Variants in GLDN observed in about 807,000 individuals in gnomAD.
GLDN encodes collomin.
A neutral mutation model predicts 56.5 loss-of-function variants in GLDN; 47 were observed. The ratio of observed to expected loss-of-function variants is 0.83; its 90% CI spans 0.66 to 1.06. GLDN has a LOEUF of 1.06. Among genes scored for constraint, GLDN ranks in the 50% least tolerant of loss-of-function variants. The probability of loss-of-function intolerance (pLI) is 0.00; values close to 1 mark genes in which losing one functional copy is unlikely to be tolerated. For synonymous variants in GLDN, 332 were observed against 278.8 expected (o/e 1.19, Z -1.90); for missense variants, 782 against 714.3 (o/e 1.09, Z -1.08).
intron 4 of GLDN, among the ~76,000 whole-genome samples, chr15:51,394,507 G>C (rs1041141527): frequency 2.0e-5 from 3 of 152,136 alleles, no homozygotes; most frequent in Non-Finnish European, 4.4e-5. Flanking sequence ...CAGCTACTCC[G>C]GAGGCTGAGG....
chr15:51,404,468 T>A lies in GLDN; in HGVS notation c.1370T>A (p.Phe457Tyr), dbSNP rs2038328189. ...ILVAQLDERTFSVVQHVNTTY... is the reference protein window; with the variant it reads ...ILVAQLDERTYSVVQHVNTTY... ...GTAGCACAACTGGATGAGAGGACAT[T>A]CTCAGTGGTGCAACACGTCAATACC... The change falls in exon 10 of 10, where the codon TTC becomes TAC. Residue 457 changes from phenylalanine to tyrosine, a missense_variant. By Grantham distance (22) the Phe-to-Tyr change is conservative. Transcript: ENST00000335449. 1 of 1,614,056 alleles carries A rather than the reference T, an allele frequency of 6.2e-7. No individual in the cohort carries two copies. Among genetic ancestry groups the A allele is most frequent in the African/African-American group, 1.3e-5 (1 of 74,914 alleles).
chr15:51,355,521 C>CTTTT (rs1566936154), intron 1 of GLDN, among the ~76,000 whole-genome samples: 2 of 142,924 alleles, frequency 1.4e-5, no homozygotes, highest in Non-Finnish European at 3.0e-5. Flanking sequence ...CTTTTTCTTT[C>CTTTT]TTTCTTTTTT....
At position 51,367,651 on chromosome 15, in the gene GLDN, G is replaced by A. The variant is rs138356745; in HGVS notation, c.364-9798G>A. Among the ~76,000 whole-genome samples, 41 of 152,300 alleles carry A rather than the reference G, an allele frequency of 2.7e-4. No homozygotes were observed. In the East Asian group the frequency reaches 7.5e-3, roughly 28 times the overall value. ...CCTACCCCTTGAAAGGCAGGCTGGCGTCCATCCCCATCCTAATCCACTTAG... is the reference window on the plus strand; with the variant it reads ...CCTACCCCTTGAAAGGCAGGCTGGCATCCATCCCCATCCTAATCCACTTAG... On this transcript the variant is annotated intron_variant, in intron 1 of 9. Coordinates refer to ENST00000335449, the MANE Select transcript of GLDN (RefSeq NM_181789.4).
At chr15:51,380,978 G>C (rs1323750220) in intron 2 of GLDN, among the ~76,000 whole-genome samples, 1 of 152,100 alleles carries the variant, frequency 6.6e-6, no homozygotes, top group African/African-American at 2.4e-5. Context: ...GCAGATTATT[G>C]GGCCTCACTC....
At chr15:51,346,469 G>A (rs2036980168) in intron 1 of GLDN, among the ~76,000 whole-genome samples, 1 of 152,208 alleles carries the variant, frequency 6.6e-6, no homozygotes, top group African/African-American at 2.4e-5. Context: ...CAACGGGCAA[G>A]CCCTCTGGGA....
chr15:51,343,584 G>A (rs1426436798), intron 1 of GLDN, among the ~76,000 whole-genome samples: 2 of 152,174 alleles, frequency 1.3e-5, no homozygotes, highest in African/African-American at 2.4e-5. Context: ...AGGTGACCTC[G>A]CAGTGCTACC....
chr15:51,400,116 G>T, intron 6 of GLDN, 76 bp from the exon 7 acceptor site: 2 of 1,228,354 alleles, frequency 1.6e-6, no homozygotes, highest in South Asian at 2.4e-5. Flanking sequence ...AGGTGGGGAA[G>T]AGCAGCAGCT....
chr15:51,368,200 C>A (rs1427760161), intron 1 of GLDN, among the ~76,000 whole-genome samples: 1 of 152,058 alleles, frequency 6.6e-6, no homozygotes, highest in Non-Finnish European at 1.5e-5. Flanking sequence ...GTGCTTGATG[C>A]CATTCTGGTG....
At chr15:51,353,926 G>A (rs760822710) in intron 1 of GLDN, among the ~76,000 whole-genome samples, 1 of 152,100 alleles carries the variant, frequency 6.6e-6, no homozygotes, top group Non-Finnish European at 1.5e-5. Context: ...AAGCTTTTAG[G>A]TTGTAATTAA....
intron 3 of GLDN, 143 bp from the exon 4 acceptor site, chr15:51,383,642 G>A: frequency 1.0e-6 from 1 of 957,102 alleles, no homozygotes. Flanking sequence ...TTCAGCCAGA[G>A]AAGGAAGGAA....
At chr15:51,360,673 C>T (rs2037279181) in intron 1 of GLDN, 1 of 152,272 alleles carries the variant, frequency 6.6e-6, no homozygotes, top group African/African-American at 2.4e-5. Flanking sequence ...ACAGCCAATA[C>T]TAGGTATTTC....
intron 4 of GLDN, among the ~76,000 whole-genome samples, chr15:51,392,897 T>C (rs1595834402): frequency 6.6e-6 from 1 of 152,318 alleles, no homozygotes; most frequent in Middle Eastern, 3.4e-3. Flanking sequence ...TCCTTTCCAA[T>C]CTGTATGCCT....
At chr15:51,400,304 A>T (rs1287883686) in intron 7 of GLDN, 29 bp downstream of exon 7, 2 of 1,614,158 alleles carry the variant, frequency 1.2e-6, no homozygotes, top group South Asian at 2.2e-5. Context: ...CTGTCTTGAA[A>T]TTCAGAAATT....
chr15:51,400,210 C>T lies in GLDN; in HGVS notation c.836C>T (p.Pro279Leu), dbSNP rs148539600. The T allele has an allele frequency of 7.4e-6, 12 of 1,614,082 alleles. No homozygotes were observed. The highest frequency in any genetic ancestry group is 8.5e-6 in the Non-Finnish European group (10 of 1,179,970). ...GQCPGETCAI[P>L]NDDTLVGKAD... ...ATTTTAGGTGAGACTTGTGCCATACCAAATGATGATACCTTGGTTGGAAAA... is the reference window on the plus strand; with the variant it reads ...ATTTTAGGTGAGACTTGTGCCATACTAAATGATGATACCTTGGTTGGAAAA... Residue 279 changes from proline (P) to leucine (L), a missense_variant, in exon 7 of 10, where the codon CCA becomes CTA. Physicochemically the swap from Pro to Leu is moderately conservative, Grantham distance 98 (BLOSUM62 -3). Coordinates refer to ENST00000335449, the MANE Select transcript of GLDN (RefSeq NM_181789.4).
downstream of GLDN, among the ~76,000 whole-genome samples, chr15:51,410,861 C>T (rs1252674254): frequency 5.3e-5 from 8 of 152,280 alleles, no homozygotes; most frequent in African/African-American, 1.9e-4. Flanking sequence ...CAGGTATGAT[C>T]CCAGAAAGAA....
chr15:51,394,719 C>T (rs1324697845), intron 4 of GLDN, 116 bp from the exon 5 acceptor site: 3 of 925,872 alleles, frequency 3.2e-6, no homozygotes, highest in East Asian at 5.3e-5. Context: ...TTATGAAATG[C>T]TGTGTGTTTG....
At chr15:51,366,898 T>C (rs1378599562) in intron 1 of GLDN, among the ~76,000 whole-genome samples, 2 of 151,892 alleles carry the variant, frequency 1.3e-5, no homozygotes, top group Admixed American at 6.6e-5. Context: ...AAAGTATGAA[T>C]TGAGGATTTT....
intron 2 of GLDN, among the ~76,000 whole-genome samples, chr15:51,381,047 A>G (rs2037747112): frequency 6.6e-6 from 1 of 152,212 alleles, no homozygotes; most frequent in African/African-American, 2.4e-5. Context: ...TTTACTAGGC[A>G]TTGCAGGCGA....
chr15:51,372,868 T>A (rs2037544955), intron 1 of GLDN, among the ~76,000 whole-genome samples: 1 of 152,174 alleles, frequency 6.6e-6, no homozygotes, highest in African/African-American at 2.4e-5. Flanking sequence ...TTTCTCATAA[T>A]TCTGGAGGCT....
Sources: gnomAD v4.1 joint callset for allele counts (sites outside exome capture counted in the v4.1 genomes callset) on GRCh38, gnomAD v4.1.1 for gene constraint, MANE v1.5 for transcripts, NCBI Gene and HGNC (gene_info 2026-07-23, HGNC 2026-07-21) for gene names.